PDGFD: variants seen among roughly 807,000 people sequenced by gnomAD.
The protein encoded by PDGFD is platelet-derived growth factor D.
In PDGFD, 30 loss-of-function variants were observed where a neutral mutation model predicts 44.7. The observed-to-expected ratio is 0.67, with a 90% CI of 0.50 to 0.91. The LOEUF (loss-of-function observed/expected upper bound fraction) is 0.91. Ranked by LOEUF, PDGFD falls within the 40% of genes least tolerant of loss-of-function variation. The pLI, the probability that PDGFD is intolerant of heterozygous loss-of-function variation, is 0.00. For missense variants in PDGFD, 445 were observed against 457.8 expected, an observed-to-expected ratio of 0.97 and a Z score of 0.25; for synonymous variants, 173 against 168.4, an observed-to-expected ratio of 1.03 and a Z score of -0.21.
intron 1 of PDGFD, among the ~76,000 whole-genome samples, chr11:104,087,775 T>C (rs1341010244): frequency 6.6e-6 from 1 of 152,184 alleles, no homozygotes; most frequent in African/African-American, 2.4e-5. Context: ...GTTCATGCCT[T>C]GGTGCTGTGC....
At chr11:104,002,882 A>C (rs1859641289) in intron 1 of PDGFD, among the ~76,000 whole-genome samples, 1 of 152,216 alleles carries the variant, frequency 6.6e-6, no homozygotes, top group Non-Finnish European at 1.5e-5. Flanking sequence ...TTTGCCATGA[A>C]TAGAAGGTAA....
At chr11:103,925,025 A>G (rs1236486961) in intron 6 of PDGFD, among the ~76,000 whole-genome samples, 1 of 151,442 alleles carries the variant, frequency 6.6e-6, no homozygotes, top group Non-Finnish European at 1.5e-5. Flanking sequence ...CCTGTGTTCA[A>G]CTCTCACTTA....
intron 3 of PDGFD, among the ~76,000 whole-genome samples, chr11:103,973,551 G>C (rs1455120484): frequency 6.6e-6 from 1 of 152,126 alleles, no homozygotes; most frequent in Non-Finnish European, 1.5e-5. Flanking sequence ...ACCAGCCTTT[G>C]TGCTAGGATA....
At chr11:103,916,622 T>C (rs529599993) in intron 6 of PDGFD, among the ~76,000 whole-genome samples, 19 of 152,310 alleles carry the variant, frequency 1.2e-4, no homozygotes, top group African/African-American at 4.1e-4. Flanking sequence ...CATTCTATTA[T>C]AAAGACACAT....
chr11:104,159,876 TC>T (rs1364972149), intron 1 of PDGFD, among the ~76,000 whole-genome samples: 2 of 152,178 alleles, frequency 1.3e-5, no homozygotes, highest in Non-Finnish European at 2.9e-5. Flanking sequence ...TAAACCCTGC[TC>T]TTTAAAAAAG....
In PDGFD at chr11:104,039,683, A is replaced by G. The variant is rs566418838; in HGVS notation, c.125-39428T>C. Among the ~76,000 whole-genome samples, 10 of 152,274 alleles carry G rather than the reference A, an allele frequency of 6.6e-5. No homozygotes were observed. The South Asian group carries it at 2.1e-3, about 32-fold the overall frequency. On this transcript the variant is annotated intron_variant, in intron 1 of 6. Transcript: ENST00000393158. ...TAATTAAGAACTCAAAACAAATGCA[A>G]TTAACAAAAAAAGACATTCAGAGTA... is the stretch of plus-strand genomic sequence containing the variant.
chr11:104,145,204 A>T (rs1862145834), intron 1 of PDGFD, among the ~76,000 whole-genome samples: 1 of 152,182 alleles, frequency 6.6e-6, no homozygotes, highest in Non-Finnish European at 1.5e-5. Flanking sequence ...TGTTACCCTT[A>T]ATCATTATTC....
intron 6 of PDGFD, among the ~76,000 whole-genome samples, chr11:103,913,872 T>A (rs569247221): frequency 3.3e-5 from 5 of 152,206 alleles, no homozygotes; most frequent in Non-Finnish European, 7.4e-5. Context: ...TATAAACACC[T>A]CTATGCAAAT....
intron 1 of PDGFD, among the ~76,000 whole-genome samples, chr11:104,054,301 A>G (rs754367215): frequency 6.6e-6 from 1 of 152,224 alleles, no homozygotes; most frequent in Non-Finnish European, 1.5e-5. Flanking sequence ...CCTCATCCAG[A>G]CACACCCTGC....
intron 6 of PDGFD, among the ~76,000 whole-genome samples, chr11:103,913,380 A>T (rs1001935959): frequency 1.3e-5 from 2 of 152,222 alleles, no homozygotes; most frequent in African/African-American, 4.8e-5. Flanking sequence ...TGGAAACTGA[A>T]CAACCTGCTC....
intron 4 of PDGFD, 140 bp from the exon 5 acceptor site, chr11:103,943,790 A>G (rs1858628793): frequency 4.6e-6 from 3 of 649,202 alleles, no homozygotes; most frequent in East Asian, 2.8e-5. Flanking sequence ...TAAAAACAAC[A>G]TGGTATTGTC....
At chr11:103,999,278 C>T (rs1166042003) in intron 2 of PDGFD, among the ~76,000 whole-genome samples, 1 of 151,636 alleles carries the variant, frequency 6.6e-6, no homozygotes. Context: ...AGTTCATTGG[C>T]AATGCAGAAC....
intron 3 of PDGFD, among the ~76,000 whole-genome samples, chr11:103,991,724 G>A (rs1859455749): frequency 6.6e-6 from 1 of 152,186 alleles, no homozygotes; most frequent in South Asian, 2.1e-4. Flanking sequence ...AATATGGCCA[G>A]TGATAATAAT....
At chr11:104,098,507 C>CTTTT (rs34351974) in intron 1 of PDGFD, among the ~76,000 whole-genome samples, 2 of 140,324 alleles carry the variant, frequency 1.4e-5, no homozygotes, top group African/African-American at 5.3e-5. Flanking sequence ...TTCTGTTTCT[C>CTTTT]TTTTTTTTTT....
Position 104,083,903 on chromosome 11 carries a change from T to C in PDGFD, c.124+79901A>G, listed in dbSNP as rs149017693. The stretch of plus-strand genomic sequence containing the variant: ...AATTTGAATATCACATTATAAACAA[T>C]ACAAAAGTATATTGTCAATACTGAA... On this transcript the variant is annotated intron_variant, in intron 1 of 6. Coordinates refer to ENST00000393158, the MANE Select transcript of PDGFD (RefSeq NM_025208.5). 2.8e-4 allele frequency among the ~76,000 whole-genome samples: 43 copies of C among 152,264 alleles called. No individual in the cohort carries two copies. In the East Asian group the frequency reaches 7.7e-3, roughly 27 times the overall value.
At chr11:104,042,221 C>G (rs1417581427) in intron 1 of PDGFD, among the ~76,000 whole-genome samples, 1 of 152,192 alleles carries the variant, frequency 6.6e-6, no homozygotes, top group Non-Finnish European at 1.5e-5. Context: ...GACTAGCTAC[C>G]ATTCCACAAT....
intron 1 of PDGFD, among the ~76,000 whole-genome samples, chr11:104,101,048 G>A (rs1861369892): frequency 3.3e-5 from 5 of 152,082 alleles, no homozygotes; most frequent in Admixed American, 3.3e-4. Flanking sequence ...GCACAAGACA[G>A]GGATGCCCTC....
intron 1 of PDGFD, among the ~76,000 whole-genome samples, chr11:104,087,157 T>C (rs1861142965): frequency 6.7e-6 from 1 of 150,092 alleles, no homozygotes; most frequent in South Asian, 2.1e-4. Context: ...GCCTCCCGAG[T>C]AGCTAGGACT....
chr11:104,109,170 T>C (rs1425540806), intron 1 of PDGFD, among the ~76,000 whole-genome samples: 1 of 151,878 alleles, frequency 6.6e-6, no homozygotes, highest in Non-Finnish European at 1.5e-5. Context: ...CTGCACGATA[T>C]GCACATGCAC....
Sources: allele counts gnomAD v4.1 joint callset (sites outside exome capture counted in the v4.1 genomes callset), GRCh38; gene constraint gnomAD v4.1.1; transcripts MANE v1.5; gene names NCBI Gene and HGNC (gene_info 2026-07-23, HGNC 2026-07-21).